Variants in SLC12A7 observed in about 807,000 individuals in gnomAD.
SLC12A7 encodes the protein K-Cl cotransporter 4.
In SLC12A7, 100 loss-of-function variants were observed where a neutral mutation model predicts 120.6. That is an observed-to-expected ratio of 0.83 (90% CI 0.71 to 0.98). SLC12A7 has a LOEUF of 0.98. SLC12A7 is among the 50% of genes least tolerant of loss of function. The probability of loss-of-function intolerance (pLI) is 0.00; values close to 1 mark genes in which losing one functional copy is unlikely to be tolerated. For missense variants in SLC12A7, 1,373 were observed against 1,548.1 expected (o/e 0.89, Z 1.90); for synonymous variants, 760 against 678.0 (o/e 1.12, Z -1.88).
At chr5:1,134,930 C>T in the SLC12A7 span, among the ~76,000 whole-genome samples, 1 of 152,152 alleles carries the variant, frequency 6.6e-6, no homozygotes, top group Admixed American at 6.5e-5. Context: ...AGTTCGAGAC[C>T]AGCCTGGCCA....
rs116135248 is a variant in SLC12A7, at chr5:1,054,321, C to T, written c.3027-839G>A. On this transcript the variant is annotated intron_variant, in intron 22 of 23. Coordinates refer to ENST00000264930, the MANE Select transcript of SLC12A7 (RefSeq NM_006598.3). ...CTCAAAGCGTCCCTGGCGGCCTGGG[C>T]CCGGCCACAGCCCCACAGGAGGCTC... Among the ~76,000 whole-genome samples the T allele has an allele frequency of 5.3e-3, 807 of 152,348 alleles. 9 individuals carry two copies. Among genetic ancestry groups the T allele is most frequent in the African/African-American group, 0.018 (766 of 41,580 alleles).
intron 5 of SLC12A7, among the ~76,000 whole-genome samples, chr5:1,087,689 G>A (rs902063756): frequency 6.6e-6 from 1 of 152,278 alleles, no homozygotes; most frequent in African/African-American, 2.4e-5. Flanking sequence ...AGCTGCGTGA[G>A]GACCTGGTGC....
chr5:1,069,604 C>T (rs193174714), intron 17 of SLC12A7, among the ~76,000 whole-genome samples: 12 of 152,296 alleles, frequency 7.9e-5, no homozygotes, highest in African/African-American at 2.6e-4. Context: ...GGAGGAGGCT[C>T]GAGGCGCCCA....
At chr5:1,113,689 C>A (rs1743198619), upstream of SLC12A7, among the ~76,000 whole-genome samples, 1 of 152,142 alleles carries the variant, frequency 6.6e-6, no homozygotes, top group African/African-American at 2.4e-5. Flanking sequence ...CCATCACCTC[C>A]CCAGAAGATA....
chr5:1,060,647 C>G (rs1011961631), intron 20 of SLC12A7, among the ~76,000 whole-genome samples, 196 bp from the exon 21 acceptor site: 1 of 152,202 alleles, frequency 6.6e-6, no homozygotes, highest in African/African-American at 2.4e-5. Context: ...TGGGCAGTCA[C>G]GCCGCACACA....
At chr5:1,062,700 A>G (rs62331171) in intron 20 of SLC12A7, among the ~76,000 whole-genome samples, 1 of 4,822 alleles carries the variant, frequency 2.1e-4, no homozygotes, top group African/African-American at 3.5e-4. Context: ...TGGGGGACTG[A>G]GGGACTGGGG....
At chr5:1,089,345 T>C (rs956581597) in intron 3 of SLC12A7, among the ~76,000 whole-genome samples, 13 of 152,166 alleles carry the variant, frequency 8.5e-5, no homozygotes, top group African/African-American at 3.1e-4. Context: ...CAGAACCACA[T>C]GGTTGGCAGA....
At position 1,112,045 on chromosome 5, in the gene SLC12A7, C is replaced by T. The variant is rs1743064434; in HGVS notation, c.-54G>A. 4.9e-6 allele frequency: 6 copies of T among 1,214,802 alleles called. No individual in the cohort carries two copies. Among genetic ancestry groups the T allele is most frequent in the Non-Finnish European group, 6.1e-6 (6 of 976,048 alleles). 75.3% of individuals were successfully genotyped at this position (1,214,802 alleles called of 1,614,324 possible). ...CGGCCCGGCCCGCGCTGCGCCGCTCCCGCCGACGCCACGGGACTTGGAGGC... is the reference window on the plus strand; with the variant it reads ...CGGCCCGGCCCGCGCTGCGCCGCTCTCGCCGACGCCACGGGACTTGGAGGC... On this transcript the variant is annotated 5_prime_UTR_variant, in exon 1 of 24. Coordinates refer to ENST00000264930, the MANE Select transcript of SLC12A7 (RefSeq NM_006598.3).
At chr5:1,068,201 G>A (rs1737262926) in intron 17 of SLC12A7, among the ~76,000 whole-genome samples, 1 of 152,234 alleles carries the variant, frequency 6.6e-6, no homozygotes, top group Admixed American at 6.5e-5. Flanking sequence ...TTGGGAGGCC[G>A]AAGCAGACGA....
At chr5:1,095,735 C>A (rs1238454750) in intron 1 of SLC12A7, among the ~76,000 whole-genome samples, 3 of 152,244 alleles carry the variant, frequency 2.0e-5, no homozygotes, top group Non-Finnish European at 2.9e-5. Context: ...CCACTGGCGG[C>A]CACCCTGGCT....
At chr5:1,139,632 T>C in the SLC12A7 span, among the ~76,000 whole-genome samples, 2 of 152,222 alleles carry the variant, frequency 1.3e-5, no homozygotes, top group Non-Finnish European at 2.9e-5. Flanking sequence ...GTGGCCCCCA[T>C]GTTCCTCTGT....
chr5:1,120,693 C>T, the SLC12A7 span, among the ~76,000 whole-genome samples: 5 of 152,162 alleles, frequency 3.3e-5, no homozygotes, highest in Non-Finnish European at 5.9e-5. Context: ...GGGCAGTGGG[C>T]GACGGGCCAC....
chr5:1,153,764 A>G, the SLC12A7 span, among the ~76,000 whole-genome samples: 4 of 152,224 alleles, frequency 2.6e-5, no homozygotes, highest in African/African-American at 9.6e-5. Context: ...TGGCCTCCAC[A>G]GAGAAAATCA....
chr5:1,061,988 C>T (rs767810554), intron 20 of SLC12A7, among the ~76,000 whole-genome samples: 10 of 152,294 alleles, frequency 6.6e-5, no homozygotes, highest in African/African-American at 9.6e-5. Context: ...GCGACCCAGA[C>T]GCCCCTCTCC....
the SLC12A7 span, among the ~76,000 whole-genome samples, chr5:1,128,157 T>C: frequency 6.6e-6 from 1 of 151,912 alleles, no homozygotes; most frequent in Non-Finnish European, 1.5e-5. Context: ...GGCTGGGAGG[T>C]GGGTGCCTGA....
At chr5:1,087,495 A>G (rs10054219) in intron 5 of SLC12A7, among the ~76,000 whole-genome samples, 120,900 of 152,310 alleles carry the variant, frequency 0.79, 52,986 homozygotes, top group Non-Finnish European at 0.96. Context: ...CCTGGAGAAC[A>G]CAGCTCTCCC....
At chr5:1,078,038 C>CT in intron 11 of SLC12A7, 31 bp from the exon 12 acceptor site, 1 of 1,534,032 alleles carries the variant, frequency 6.5e-7, no homozygotes, top group Non-Finnish European at 8.8e-7. Context: ...GGGCGGGCGG[C>CT]TTTCAGAAGT....
chr5:1,059,282 C>A (rs547695003), intron 21 of SLC12A7, among the ~76,000 whole-genome samples: 1 of 152,218 alleles, frequency 6.6e-6, no homozygotes, highest in African/African-American at 2.4e-5. Context: ...GCTCCACACG[C>A]CTTTCTCTGT....
chr5:1,094,011 T>G (rs1740833588), intron 2 of SLC12A7, 143 bp downstream of exon 2: 2 of 665,538 alleles, frequency 3.0e-6, no homozygotes, highest in East Asian at 5.4e-5. Context: ...CGCCACAGCC[T>G]TCAGGACAGG....
Sources: allele counts gnomAD v4.1 joint callset (sites outside exome capture counted in the v4.1 genomes callset), GRCh38; gene constraint gnomAD v4.1.1; transcripts MANE v1.5; gene names NCBI Gene and HGNC (gene_info 2026-07-23, HGNC 2026-07-21).